Variants in SNTG2 observed in about 807,000 individuals in gnomAD.
SNTG2 encodes the protein gamma-2-syntrophin.
SNTG2 carries 74 observed loss-of-function variants against 70.9 expected under a neutral mutation model. The observed-to-expected ratio is 1.04, with a 90% CI of 0.86 to 1.27. The LOEUF (loss-of-function observed/expected upper bound fraction) is 1.27. Among genes scored for constraint, SNTG2 ranks in the 50% most tolerant of loss-of-function variants. The pLI is 0.00. For missense variants in SNTG2, 717 were observed against 690.7 expected, an observed-to-expected ratio of 1.04 and a Z score of -0.43; for synonymous variants, 278 against 273.8, an observed-to-expected ratio of 1.02 and a Z score of -0.15.
At chr2:1,187,474 G>A (rs1417673492) in intron 8 of SNTG2, among the ~76,000 whole-genome samples, 2 of 152,056 alleles carry the variant, frequency 1.3e-5, no homozygotes, top group Non-Finnish European at 1.5e-5. Flanking sequence ...CACTTCCTGG[G>A]GCTCCAGCCT....
intron 14 of SNTG2, among the ~76,000 whole-genome samples, chr2:1,279,037 CCTGTCAGTGCGCGATTCACCCCT>C (rs1300588326): frequency 9.4e-5 from 12 of 128,068 alleles, no homozygotes; most frequent in East Asian, 6.7e-4. Flanking sequence ...TGAATCACCC[CCTGTCAGTGCGCGATTCACCCCT>C]CTGTCAGTGC....
At chr2:1,057,880 A>T (rs1226785335) in intron 1 of SNTG2, among the ~76,000 whole-genome samples, 1 of 152,122 alleles carries the variant, frequency 6.6e-6, no homozygotes, top group Non-Finnish European at 1.5e-5. Context: ...TCTACAAAAG[A>T]TTTAAAAAAA....
chr2:1,119,394 A>G (rs374456808), intron 4 of SNTG2, among the ~76,000 whole-genome samples: 1 of 152,216 alleles, frequency 6.6e-6, no homozygotes, highest in Non-Finnish European at 1.5e-5. Flanking sequence ...GTCCAGTGTC[A>G]TCATGGTGGT....
chr2:1,157,562 G>A (rs1440326887), intron 6 of SNTG2, among the ~76,000 whole-genome samples: 1 of 152,220 alleles, frequency 6.6e-6, no homozygotes, highest in East Asian at 1.9e-4. Context: ...AACAGAGACT[G>A]GGTTTCAATG....
chr2:1,035,143 A>G (rs573316727), intron 1 of SNTG2, among the ~76,000 whole-genome samples: 1 of 152,366 alleles, frequency 6.6e-6, no homozygotes, highest in Admixed American at 6.5e-5. Context: ...TAAGGCAGAA[A>G]ACAAGAAGTT....
At chr2:1,235,709 A>T (rs1348973927) in intron 9 of SNTG2, among the ~76,000 whole-genome samples, 1 of 152,210 alleles carries the variant, frequency 6.6e-6, no homozygotes, top group South Asian at 2.1e-4. Context: ...AGCTGGATCC[A>T]GGAAAAGCTG....
At chr2:1,313,894 T>G (rs886169201) in intron 15 of SNTG2, among the ~76,000 whole-genome samples, 5 of 152,196 alleles carry the variant, frequency 3.3e-5, no homozygotes, top group African/African-American at 7.2e-5. Flanking sequence ...TGGATATGTA[T>G]GCCTCATGAG....
rs764127652 is a variant in SNTG2, at chr2:1,239,783, T to C, written c.888+7T>C. 3.1e-6 allele frequency: 5 copies of C among 1,612,908 alleles called. No homozygotes were observed. Among genetic ancestry groups the C allele is most frequent in the Non-Finnish European group, 2.5e-6 (3 of 1,179,562 alleles). On this transcript the variant is annotated splice_region_variant and intron_variant, in intron 11 of 16. Coordinates refer to ENST00000308624, the MANE Select transcript of SNTG2 (RefSeq NM_018968.4). ...CTGCTCTCCTTCCGACCAGGTAGGG[T>C]TTGTATTTTCTGCTTCATGATGTAA...
rs373053025 is a variant in SNTG2 at position 1,165,341 on chromosome 2, G to A, written c.412-207G>A. ...CCTGCTCACTCATGCACTTGTTTAC[G>A]CAGATAGAGTGTGGGGGGTAGGTGG... On this transcript the variant is annotated intron_variant, in intron 6 of 16. Transcript: ENST00000308624. Among the ~76,000 whole-genome samples the A allele has an allele frequency of 8.5e-5, 13 of 152,132 alleles. No individual in the cohort carries two copies. The East Asian group carries it at 2.1e-3, about 25-fold the overall frequency.
At chr2:1,079,838 A>G (rs939830114) in intron 1 of SNTG2, among the ~76,000 whole-genome samples, 1 of 152,240 alleles carries the variant, frequency 6.6e-6, no homozygotes, top group African/African-American at 2.4e-5. Context: ...ATCAAGATAT[A>G]ACATCGATCA....
At chr2:1,066,527 G>A (rs1211099247) in intron 1 of SNTG2, among the ~76,000 whole-genome samples, 1 of 152,026 alleles carries the variant, frequency 6.6e-6, no homozygotes, top group East Asian at 1.9e-4. Flanking sequence ...ACAGACCACC[G>A]GACAGTGACC....
Position 1,051,057 on chromosome 2 carries a change from C to T in SNTG2, c.73-32461C>T, listed in dbSNP as rs748825975. The stretch of plus-strand genomic sequence containing the variant: ...TGCTTATCTGTTTTCATATCACATG[C>T]GTAGATACTTTTGGATTATCTCCAT... On this transcript the variant is annotated intron_variant, in intron 1 of 16. Coordinates refer to ENST00000308624, the MANE Select transcript of SNTG2 (RefSeq NM_018968.4). Among the ~76,000 whole-genome samples, 5 of 151,406 alleles carry T rather than the reference C, an allele frequency of 3.3e-5. No individual in the cohort carries two copies. The South Asian group carries it at 6.3e-4, about 19-fold the overall frequency.
intron 1 of SNTG2, among the ~76,000 whole-genome samples, chr2:952,349 C>T (rs914611028): frequency 6.6e-6 from 1 of 152,172 alleles, no homozygotes; most frequent in Admixed American, 6.5e-5. Context: ...GCATTTTTCT[C>T]CAGACATTCG....
intron 15 of SNTG2, among the ~76,000 whole-genome samples, chr2:1,309,337 T>C (rs962316738): frequency 6.6e-6 from 1 of 152,214 alleles, no homozygotes; most frequent in African/African-American, 2.4e-5. Flanking sequence ...AGTGAATTGG[T>C]CATTGAATCT....
chr2:991,486 T>A (rs1661490464), intron 1 of SNTG2, among the ~76,000 whole-genome samples: 2 of 151,934 alleles, frequency 1.3e-5, no homozygotes, highest in Admixed American at 1.3e-4. Flanking sequence ...GTTAGAATAT[T>A]TATAGTTAAT....
chr2:1,340,380 C>T (rs1016048012), intron 16 of SNTG2, among the ~76,000 whole-genome samples: 7 of 152,206 alleles, frequency 4.6e-5, no homozygotes, highest in Non-Finnish European at 1.0e-4. Context: ...TTATCCTTTC[C>T]AGGATAGAAA....
In SNTG2 at chr2:1,237,765, G is replaced by A. The variant is rs1332222084; in HGVS notation, c.720-123G>A. ...ACTGTACTGAGGCGCCTGAGGAAGT[G>A]GTGCAGTTGCCCCATGTCCTGGGTC... On this transcript the variant is annotated intron_variant, in intron 9 of 16. Transcript: ENST00000308624. The A allele has an allele frequency of 1.4e-5, 17 of 1,245,754 alleles. 1 individual carries two copies. Among genetic ancestry groups the A allele is most frequent in the Non-Finnish European group, 1.7e-5 (16 of 919,482 alleles). 77.2% of individuals were successfully genotyped at this position (1,245,754 alleles called of 1,614,324 possible).
intron 1 of SNTG2, among the ~76,000 whole-genome samples, chr2:1,022,478 A>C (rs559710244): frequency 6.6e-5 from 10 of 151,188 alleles, no homozygotes; most frequent in Admixed American, 2.6e-4. Context: ...TGAGTCCCTG[A>C]GTTCCCGTGA....
chr2:1,114,009 C>G (rs1285975573), intron 4 of SNTG2, among the ~76,000 whole-genome samples: 1 of 151,650 alleles, frequency 6.6e-6, no homozygotes, highest in Non-Finnish European at 1.5e-5. Flanking sequence ...AGGTTTAACT[C>G]TTACAGTCCT....
Sources: gnomAD v4.1 joint callset for allele counts (sites outside exome capture counted in the v4.1 genomes callset) on GRCh38, gnomAD v4.1.1 for gene constraint, MANE v1.5 for transcripts, NCBI Gene and HGNC (gene_info 2026-07-23, HGNC 2026-07-21) for gene names.